BRINP3: variants seen among roughly 807,000 people sequenced by gnomAD.
BRINP3 encodes the protein BMP/retinoic acid-inducible neural-specific protein 3.
BRINP3 carries 19 observed loss-of-function variants against 71.0 expected under a neutral mutation model. The ratio of observed to expected loss-of-function variants is 0.27; its 90% confidence interval spans 0.19 to 0.39. BRINP3 has a LOEUF of 0.39. BRINP3 is among the 10% of genes least tolerant of loss of function. BRINP3 has a pLI of 1.00. For synonymous variants in BRINP3, 380 were observed against 337.7 expected (o/e 1.13, Z -1.37); for missense variants, 959 against 940.8 (o/e 1.02, Z -0.25).
intron 2 of BRINP3, among the ~76,000 whole-genome samples, chr1:190,400,744 AATG>A (rs1347108379): frequency 1.3e-5 from 2 of 152,202 alleles, no homozygotes; most frequent in African/African-American, 4.8e-5. Context: ...ACATTTAGAA[AATG>A]CTGATCTTAC....
intron 2 of BRINP3, among the ~76,000 whole-genome samples, chr1:190,283,859 T>C (rs1281178074): frequency 6.6e-6 from 1 of 151,702 alleles, no homozygotes; most frequent in Admixed American, 6.6e-5. Flanking sequence ...ATTTTTTAAC[T>C]CCTGAAAAAT....
At chr1:190,356,578 C>G (rs1429294911) in intron 2 of BRINP3, among the ~76,000 whole-genome samples, 1 of 151,946 alleles carries the variant, frequency 6.6e-6, no homozygotes, top group Non-Finnish European at 1.5e-5. Context: ...CCTCTCTTAT[C>G]TCTGTTTCTA....
chr1:190,397,061 G>A (rs1303034890), intron 2 of BRINP3, among the ~76,000 whole-genome samples: 1 of 151,856 alleles, frequency 6.6e-6, no homozygotes, highest in East Asian at 1.9e-4. Flanking sequence ...GTTTGCCACT[G>A]TGGACTAAGA....
intron 2 of BRINP3, among the ~76,000 whole-genome samples, chr1:190,330,307 A>G (rs953932528): frequency 6.6e-6 from 1 of 152,102 alleles, no homozygotes; most frequent in East Asian, 1.9e-4. Flanking sequence ...TAACCCCATT[A>G]AAAATGGGCA....
At chr1:190,224,366 A>G (rs976929794) in intron 6 of BRINP3, among the ~76,000 whole-genome samples, 1 of 151,588 alleles carries the variant, frequency 6.6e-6, no homozygotes, top group Non-Finnish European at 1.5e-5. Flanking sequence ...TTTGACAAAG[A>G]CTACACATAC....
chr1:190,361,981 G>T (rs1362103162), intron 2 of BRINP3: 5 of 152,004 alleles, frequency 3.3e-5, no homozygotes, highest in Non-Finnish European at 7.4e-5. Flanking sequence ...TGAGCTTATG[G>T]TCTTCATGAT....
In BRINP3 at chr1:190,098,155, C is replaced by T. The variant is rs1391344676; in HGVS notation, c.2164G>A (p.Asp722Asn). The change falls in exon 8 of 8, where the codon GAT becomes AAT. Residue 722 changes from aspartate to asparagine, a missense_variant. Transcript: ENST00000367462. ...KLSPPGQRRLDLFSCLLRHRL... is the reference protein window; with the variant it reads ...KLSPPGQRRLNLFSCLLRHRL... ...TGACGAAGCAAGCAAGAGAAAAGAT[C>T]TAGACGACGCTGACCAGGTGGGGAG... 1.2e-6 allele frequency: 2 copies of T among 1,614,026 alleles called. No individual in the cohort carries two copies. The highest frequency in any genetic ancestry group is 1.3e-5 in the African/African-American group (1 of 74,904).
intron 2 of BRINP3, among the ~76,000 whole-genome samples, chr1:190,380,760 C>T (rs1194490313): frequency 6.6e-6 from 1 of 151,954 alleles, no homozygotes; most frequent in African/African-American, 2.4e-5. Context: ...AATGACAACA[C>T]TTAATATTAG....
chr1:190,340,633 T>C (rs796639580), intron 2 of BRINP3, among the ~76,000 whole-genome samples: 15 of 152,000 alleles, frequency 9.9e-5, no homozygotes, highest in African/African-American at 3.1e-4. Context: ...GGAACTTCAG[T>C]GGCTATAATG....
intron 2 of BRINP3, among the ~76,000 whole-genome samples, chr1:190,333,030 C>A (rs1191909316): frequency 6.6e-6 from 1 of 151,802 alleles, no homozygotes; most frequent in Non-Finnish European, 1.5e-5. Context: ...TGCTTTTCAC[C>A]TCCAGCAAAT....
intron 4 of BRINP3, among the ~76,000 whole-genome samples, chr1:190,244,341 C>A (rs1406985586): frequency 6.6e-6 from 1 of 152,068 alleles, no homozygotes; most frequent in African/African-American, 2.4e-5. Flanking sequence ...CTACTTCCTA[C>A]TCTATAATTT....
chr1:190,135,024 A>C (rs1449038531), intron 7 of BRINP3, among the ~76,000 whole-genome samples: 1 of 152,250 alleles, frequency 6.6e-6, no homozygotes, highest in South Asian at 2.1e-4. Context: ...AAATGTATAT[A>C]CATCAATTAG....
rs894173608 is a variant in BRINP3 at position 190,350,290 on chromosome 1, A to C, written c.237-68540T>G. Among the ~76,000 whole-genome samples, 25 of 152,248 alleles carry C rather than the reference A, an allele frequency of 1.6e-4. 1 individual carries two copies. The highest frequency in any genetic ancestry group is 1.4e-3 in the Admixed American group (22 of 15,276). On this transcript the variant is annotated intron_variant, in intron 2 of 7. Transcript: ENST00000367462. The stretch of plus-strand genomic sequence containing the variant: ...GAGGTAACAGGTCCAGAAAAACAGC[A>C]TATTTCTCAGCTAACAGTCACCAGA...
chr1:190,148,595 CAAAA>C (rs1391497842), intron 7 of BRINP3, among the ~76,000 whole-genome samples: 3 of 121,704 alleles, frequency 2.5e-5, no homozygotes, highest in Admixed American at 8.8e-5. Flanking sequence ...GACTCTGTCA[CAAAA>C]TAAATAAATA....
At chr1:190,322,642 A>C (rs955278772) in intron 2 of BRINP3, among the ~76,000 whole-genome samples, 1 of 152,010 alleles carries the variant, frequency 6.6e-6, no homozygotes, top group African/African-American at 2.4e-5. Context: ...GGTTTGACAA[A>C]CCCTTGCCAA....
At chr1:190,304,365 C>G (rs1664946296) in intron 2 of BRINP3, among the ~76,000 whole-genome samples, 1 of 151,724 alleles carries the variant, frequency 6.6e-6, no homozygotes, top group African/African-American at 2.4e-5. Flanking sequence ...AATCATCACA[C>G]TATATGACTT....
At chr1:190,362,680 T>A (rs920856161) in intron 2 of BRINP3, among the ~76,000 whole-genome samples, 1 of 152,146 alleles carries the variant, frequency 6.6e-6, no homozygotes, top group Non-Finnish European at 1.5e-5. Context: ...TCCCCCATAG[T>A]GTTCTCACAG....
chr1:190,438,766 A>G (rs1451976453), intron 2 of BRINP3, among the ~76,000 whole-genome samples: 1 of 151,894 alleles, frequency 6.6e-6, no homozygotes, highest in Non-Finnish European at 1.5e-5. Context: ...GGAGAAAGGC[A>G]CTAACCAAGG....
intron 7 of BRINP3, among the ~76,000 whole-genome samples, chr1:190,129,513 C>A (rs1283760327): frequency 6.6e-6 from 1 of 151,746 alleles, no homozygotes; most frequent in Non-Finnish European, 1.5e-5. Context: ...TTTTAAATAC[C>A]ATTAGAAAAG....
Sources: allele counts gnomAD v4.1 joint callset (sites outside exome capture counted in the v4.1 genomes callset), GRCh38; gene constraint gnomAD v4.1.1; transcripts MANE v1.5; gene names NCBI Gene and HGNC (gene_info 2026-07-23, HGNC 2026-07-21).